Variants in CUX2 observed in about 807,000 individuals in gnomAD.
CUX2 encodes cut like homeobox 2.
In CUX2, 40 loss-of-function variants were observed where a neutral mutation model predicts 144.8. The ratio of observed to expected loss-of-function variants is 0.28; its 90% CI spans 0.21 to 0.36. The LOEUF is 0.36. CUX2 is among the 10% of genes least tolerant of loss of function. The pLI is 1.00. For missense variants in CUX2, 1,615 were observed against 1,994.0 expected, an observed-to-expected ratio of 0.81 and a Z score of 3.62; for synonymous variants, 827 against 875.6, an observed-to-expected ratio of 0.94 and a Z score of 0.98.
At chr12:111,062,910 T>C (rs1281806059) in intron 1 of CUX2, among the ~76,000 whole-genome samples, 1 of 151,712 alleles carries the variant, frequency 6.6e-6, no homozygotes, top group Admixed American at 6.6e-5. Context: ...GTGGCTGGAG[T>C]GCAGGGTGAA....
chr12:111,143,959 G>A (rs1251528056), intron 1 of CUX2, among the ~76,000 whole-genome samples: 3 of 152,134 alleles, frequency 2.0e-5, no homozygotes, highest in Non-Finnish European at 2.9e-5. Flanking sequence ...AAACTGACTC[G>A]GCATTCAAGC....
intron 1 of CUX2, among the ~76,000 whole-genome samples, chr12:111,126,428 C>G (rs1875091364): frequency 6.6e-6 from 1 of 152,142 alleles, no homozygotes; most frequent in Non-Finnish European, 1.5e-5. Flanking sequence ...GCTGGAGACC[C>G]AGGAGAGCTG....
intron 1 of CUX2, among the ~76,000 whole-genome samples, chr12:111,185,909 C>G (rs1879499000): frequency 6.6e-6 from 1 of 151,944 alleles, no homozygotes; most frequent in Non-Finnish European, 1.5e-5. Flanking sequence ...CCCTCTCTCT[C>G]TCATACCTCA....
At chr12:111,119,988 G>A (rs1199123014) in intron 1 of CUX2, among the ~76,000 whole-genome samples, 1 of 152,196 alleles carries the variant, frequency 6.6e-6, no homozygotes, top group Non-Finnish European at 1.5e-5. Flanking sequence ...CACCTGGGAG[G>A]TGAAGTTTGC....
chr12:111,210,951 C>G (rs906468780), intron 1 of CUX2, among the ~76,000 whole-genome samples: 1 of 152,170 alleles, frequency 6.6e-6, no homozygotes, highest in African/African-American at 2.4e-5. Flanking sequence ...TTATAATCCA[C>G]CAAGGAGATA....
At chr12:111,232,852 C>T (rs1700358776) in intron 3 of CUX2, among the ~76,000 whole-genome samples, 1 of 152,170 alleles carries the variant, frequency 6.6e-6, no homozygotes, top group South Asian at 2.1e-4. Context: ...CTGCTATAGA[C>T]ACAGAAGCAA....
chr12:111,250,983 G>A lies in CUX2; in HGVS notation c.223-12778G>A, dbSNP rs181834822. 1.1e-3 allele frequency among the ~76,000 whole-genome samples: 163 copies of A among 152,076 alleles called. 1 individual carries two copies. Among genetic ancestry groups the A allele is most frequent in the Admixed American group, 9.9e-3 (151 of 15,270 alleles). Reference sequence around the variant, plus strand: ...ACAAAGAATTGATACTGCAGCTTTCGGCTCATTATATGAGCGTATAGTGTA... The same window carrying A: ...ACAAAGAATTGATACTGCAGCTTTCAGCTCATTATATGAGCGTATAGTGTA... On this transcript the variant is annotated intron_variant, in intron 3 of 21. Transcript: ENST00000261726.
chr12:111,132,295 C>T (rs1875538624), intron 1 of CUX2, among the ~76,000 whole-genome samples: 1 of 152,186 alleles, frequency 6.6e-6, no homozygotes, highest in South Asian at 2.1e-4. Context: ...CCTTAGGCTG[C>T]ACACAGCATG....
intron 3 of CUX2, among the ~76,000 whole-genome samples, chr12:111,221,437 G>T (rs559593316): frequency 1.3e-5 from 2 of 151,900 alleles, no homozygotes; most frequent in East Asian, 3.9e-4. Flanking sequence ...CCTTTATGCC[G>T]CTGTCCTCTT....
intron 3 of CUX2, among the ~76,000 whole-genome samples, chr12:111,236,094 A>G (rs761625718): frequency 3.3e-5 from 5 of 152,192 alleles, no homozygotes; most frequent in Non-Finnish European, 7.3e-5. Flanking sequence ...AAGGGGGGAT[A>G]GTATTTGTCC....
intron 4 of CUX2, among the ~76,000 whole-genome samples, chr12:111,269,867 C>T (rs1475909455): frequency 6.6e-6 from 1 of 152,120 alleles, no homozygotes; most frequent in Admixed American, 6.6e-5. Context: ...GATTTCCCAA[C>T]TCTCCTCCCC....
Position 111,308,482 on chromosome 12 carries a change from C to A in CUX2, c.1214C>A (p.Thr405Lys), listed in dbSNP as rs375886505. 6.6e-5 allele frequency: 107 copies of A among 1,613,956 alleles called. 1 individual carries two copies. The highest frequency in any genetic ancestry group is 8.0e-5 in the African/African-American group (6 of 74,932). ...LLIAKEAFFP[T>K]QKFLLEKPSL... ...ATTGCAAAGGAGGCCTTCTTCCCCACGCAGAAATTCCTTCTGGAGAAGCCC... is the reference window on the plus strand; with the variant it reads ...ATTGCAAAGGAGGCCTTCTTCCCCAAGCAGAAATTCCTTCTGGAGAAGCCC... The change falls in exon 14 of 22, where the codon ACG becomes AAG. Residue 405 changes from threonine (T) to lysine (K), a missense_variant. By Grantham distance (78) the Thr-to-Lys change is moderately conservative. Transcript: ENST00000261726.
At chr12:111,121,684 AG>A (rs1566235928) in intron 1 of CUX2, among the ~76,000 whole-genome samples, 2 of 152,088 alleles carry the variant, frequency 1.3e-5, no homozygotes, top group Non-Finnish European at 2.9e-5. Context: ...TTCTATAAAT[AG>A]TACTTTACCC....
chr12:111,217,824 C>T (rs1881629920), intron 2 of CUX2, 66 bp from the exon 3 acceptor site: 2 of 1,553,984 alleles, frequency 1.3e-6, no homozygotes, highest in Non-Finnish European at 1.8e-6. Flanking sequence ...CAGCGAGCTA[C>T]AAGCAGGGGC....
chr12:111,118,914 A>G (rs546199732), intron 1 of CUX2, among the ~76,000 whole-genome samples: 1 of 152,358 alleles, frequency 6.6e-6, no homozygotes, highest in South Asian at 2.1e-4. Flanking sequence ...AACTCCAAGC[A>G]AACTCAGTGT....
chr12:111,118,863 T>G (rs916771162), intron 1 of CUX2, among the ~76,000 whole-genome samples: 3 of 152,200 alleles, frequency 2.0e-5, no homozygotes, highest in Non-Finnish European at 4.4e-5. Flanking sequence ...GTCTGGCTTT[T>G]GGGATTTTTT....
At chr12:111,331,445 C>A (rs114211503) in intron 18 of CUX2, among the ~76,000 whole-genome samples, 1,661 of 152,194 alleles carry the variant, frequency 0.011, 27 homozygotes, top group African/African-American at 0.038. Context: ...TTCCTAGACC[C>A]CACACCATGC....
chr12:111,211,702 G>A (rs1280724800), intron 1 of CUX2, among the ~76,000 whole-genome samples: 2 of 152,036 alleles, frequency 1.3e-5, no homozygotes, highest in African/African-American at 2.4e-5. Flanking sequence ...TGGCTAACAC[G>A]GTGAAACCCT....
intron 1 of CUX2, among the ~76,000 whole-genome samples, chr12:111,153,652 T>C (rs1449651234): frequency 2.6e-5 from 4 of 152,214 alleles, no homozygotes; most frequent in Non-Finnish European, 4.4e-5. Context: ...CATTATGTGG[T>C]ACATGACTAT....
Sources: gnomAD v4.1 joint callset for allele counts (sites outside exome capture counted in the v4.1 genomes callset) on GRCh38, gnomAD v4.1.1 for gene constraint, MANE v1.5 for transcripts, NCBI Gene and HGNC (gene_info 2026-07-23, HGNC 2026-07-21) for gene names.